The following C8orf34 variants were observed in gnomAD, a reference collection of about 807,000 sequenced individuals.
The protein encoded by C8orf34 is chromosome 8 open reading frame 34, also known as uncharacterized protein C8orf34.
Under a neutral mutation model 68.3 loss-of-function variants are expected in C8orf34, and 65 were observed. The observed-to-expected ratio is 0.95, with a 90% CI of 0.78 to 1.17. The LOEUF (loss-of-function observed/expected upper bound fraction) is 1.17, where lower values mean the gene tolerates loss of function less well. Among genes scored for constraint, C8orf34 ranks in the 50% most tolerant of loss-of-function variants. C8orf34 has a pLI of 0.00. For missense variants in C8orf34, 664 were observed against 655.4 expected (o/e 1.01, Z -0.14); for synonymous variants, 244 against 241.2 (o/e 1.01, Z -0.11).
At chr8:68,811,645 A>T (rs549577858) in intron 12 of C8orf34, among the ~76,000 whole-genome samples, 1 of 152,208 alleles carries the variant, frequency 6.6e-6, no homozygotes, top group Non-Finnish European at 1.5e-5. Context: ...ATAGCATTCC[A>T]TTTCTCCTTA....
chr8:68,494,927 A>T (rs1006908131), intron 5 of C8orf34, among the ~76,000 whole-genome samples: 8 of 150,766 alleles, frequency 5.3e-5, no homozygotes, highest in Non-Finnish European at 1.0e-4. Flanking sequence ...TATCTCAAAA[A>T]ATATATATAT....
intron 7 of C8orf34, among the ~76,000 whole-genome samples, chr8:68,574,437 A>G (rs925289820): frequency 3.9e-5 from 6 of 152,034 alleles, no homozygotes; most frequent in African/African-American, 7.2e-5. Context: ...TTAGCATAAG[A>G]TTAGTATCTT....
chr8:68,482,475 A>G (rs1812901755), intron 4 of C8orf34, among the ~76,000 whole-genome samples: 1 of 152,174 alleles, frequency 6.6e-6, no homozygotes, highest in Non-Finnish European at 1.5e-5. Flanking sequence ...AGGTCTCACT[A>G]TGTTGCCCAG....
chr8:68,422,768 C>T (rs1319786489), intron 1 of C8orf34, among the ~76,000 whole-genome samples: 1 of 152,240 alleles, frequency 6.6e-6, no homozygotes, highest in Non-Finnish European at 1.5e-5. Flanking sequence ...TCTGCTACTG[C>T]AGCAAACTTC....
chr8:68,439,823 CGTAAT>C (rs1270694285), intron 2 of C8orf34, among the ~76,000 whole-genome samples, 177 bp downstream of exon 2: 1 of 152,038 alleles, frequency 6.6e-6, no homozygotes, highest in African/African-American at 2.4e-5. Context: ...TTGAATATAT[CGTAAT>C]GTATTATGTC....
intron 7 of C8orf34, among the ~76,000 whole-genome samples, chr8:68,605,108 G>A (rs1054220653): frequency 2.0e-5 from 3 of 152,052 alleles, no homozygotes; most frequent in African/African-American, 7.2e-5. Flanking sequence ...TTGAAAATGT[G>A]CTCCACATCA....
chr8:68,357,263 A>T (rs1182144539), intron 1 of C8orf34, among the ~76,000 whole-genome samples: 1 of 152,154 alleles, frequency 6.6e-6, no homozygotes, highest in Non-Finnish European at 1.5e-5. Context: ...TCTTAGTTGT[A>T]TAGTAATGAT....
At chr8:68,697,617 C>A (rs1253915439) in intron 8 of C8orf34, among the ~76,000 whole-genome samples, 1 of 152,070 alleles carries the variant, frequency 6.6e-6, no homozygotes, top group Non-Finnish European at 1.5e-5. Flanking sequence ...GATTCTTTCT[C>A]TTTGGGCCAC....
At chr8:68,502,530 A>T (rs1813823416) in intron 5 of C8orf34, among the ~76,000 whole-genome samples, 1 of 152,206 alleles carries the variant, frequency 6.6e-6, no homozygotes, top group Non-Finnish European at 1.5e-5. Flanking sequence ...CCACATGTTC[A>T]TAAAAAAAGC....
At chr8:68,663,967 T>C (rs1819762558) in intron 8 of C8orf34, among the ~76,000 whole-genome samples, 2 of 152,112 alleles carry the variant, frequency 1.3e-5, no homozygotes, top group South Asian at 4.1e-4. Context: ...AAAAAAACAT[T>C]GTAATGTGAA....
At chr8:68,530,013 G>A (rs554832423) in intron 6 of C8orf34, among the ~76,000 whole-genome samples, 28 of 151,940 alleles carry the variant, frequency 1.8e-4, no homozygotes, top group African/African-American at 5.5e-4. Context: ...CCTTAAAGCC[G>A]TAACTGTCTT....
intron 1 of C8orf34, among the ~76,000 whole-genome samples, chr8:68,433,217 C>A (rs1331976717): frequency 6.6e-6 from 1 of 152,102 alleles, no homozygotes; most frequent in East Asian, 1.9e-4. Context: ...AAAATTGAAA[C>A]AGATGCAGAT....
intron 1 of C8orf34, among the ~76,000 whole-genome samples, chr8:68,419,205 C>A (rs1257379979): frequency 6.6e-6 from 1 of 151,260 alleles, no homozygotes; most frequent in East Asian, 1.9e-4. Flanking sequence ...GACATTTATG[C>A]AGCCAAAAAA....
intron 7 of C8orf34, among the ~76,000 whole-genome samples, chr8:68,608,385 G>C (rs1186497566): frequency 6.6e-6 from 1 of 152,024 alleles, no homozygotes; most frequent in Non-Finnish European, 1.5e-5. Context: ...AACCACTCTA[G>C]AGCTATGGGG....
chr8:68,381,213 C>T (rs1452193704), intron 1 of C8orf34, among the ~76,000 whole-genome samples: 1 of 152,268 alleles, frequency 6.6e-6, no homozygotes, highest in African/African-American at 2.4e-5. Context: ...AAAGGGAAAC[C>T]AGTAAACTTC....
chr8:68,753,079 A>G (rs1030417715), intron 10 of C8orf34, among the ~76,000 whole-genome samples: 1 of 152,214 alleles, frequency 6.6e-6, no homozygotes, highest in Admixed American at 6.5e-5. Context: ...ATTGCCACAC[A>G]TTATTTTGTC....
chr8:68,573,968 AT>A (rs1318555193), intron 7 of C8orf34, among the ~76,000 whole-genome samples: 1 of 152,188 alleles, frequency 6.6e-6, no homozygotes, highest in Non-Finnish European at 1.5e-5. Context: ...CACATTTTCA[AT>A]GAGCATTAGA....
At chr8:68,545,332 C>G (rs1471659636) in intron 7 of C8orf34, among the ~76,000 whole-genome samples, 1 of 152,082 alleles carries the variant, frequency 6.6e-6, no homozygotes, top group Non-Finnish European at 1.5e-5. Context: ...GTGAGGCCTC[C>G]CAAGCCAGGT....
intron 11 of C8orf34, among the ~76,000 whole-genome samples, chr8:68,784,802 A>ATG (rs113788548): frequency 0.03 from 4,356 of 144,446 alleles, 93 homozygotes; most frequent in Non-Finnish European, 0.042. Flanking sequence ...ATGTGTGTGT[A>ATG]TGTGTGTGTG....
Sources: gnomAD v4.1 joint callset for allele counts (sites outside exome capture counted in the v4.1 genomes callset) on GRCh38, gnomAD v4.1.1 for gene constraint, MANE v1.5 for transcripts, NCBI Gene and HGNC (gene_info 2026-07-23, HGNC 2026-07-21) for gene names.